NOL4: variants seen among roughly 807,000 people sequenced by gnomAD.
NOL4 encodes the protein nucleolar protein 4, also known as cancer/testis antigen 125.
NOL4 carries 17 observed loss-of-function variants against 75.9 expected under a neutral mutation model. The ratio of observed to expected loss-of-function variants is 0.22; its 90% CI spans 0.15 to 0.34. The LOEUF is 0.34. Among genes scored for constraint, NOL4 ranks in the 10% least tolerant of loss-of-function variants. The pLI, the probability that NOL4 is intolerant of heterozygous loss-of-function variation, is 1.00. For missense variants in NOL4, 614 were observed against 793.5 expected (o/e 0.77, Z 2.72); for synonymous variants, 292 against 289.9 (o/e 1.01, Z -0.07).
At chr18:33,914,311 G>C (rs1478069735) in intron 9 of NOL4, among the ~76,000 whole-genome samples, 1 of 152,072 alleles carries the variant, frequency 6.6e-6, no homozygotes, top group Non-Finnish European at 1.5e-5. Flanking sequence ...CAGGATCATA[G>C]CCACTGTGTC....
At chr18:33,892,771 C>A (rs766209606) in intron 9 of NOL4, among the ~76,000 whole-genome samples, 5 of 152,050 alleles carry the variant, frequency 3.3e-5, no homozygotes, top group Admixed American at 6.6e-5. Context: ...GATCCTCTTG[C>A]CTCAGCCTTG....
At chr18:33,891,095 A>G (rs2065066822) in intron 9 of NOL4, among the ~76,000 whole-genome samples, 1 of 151,808 alleles carries the variant, frequency 6.6e-6, no homozygotes, top group Non-Finnish European at 1.5e-5. Context: ...ATATTCTTCC[A>G]TACTATAATA....
rs765377980 is a variant in NOL4 at position 34,019,397 on chromosome 18, C to T, written c.977G>A (p.Ser326Asn). Residue 326 changes from serine (S) to asparagine (N), a missense_variant, in exon 6 of 11, where the codon AGT becomes AAT. By Grantham distance (46) the Ser-to-Asn change is conservative. Transcript: ENST00000261592. ...ATTCTTATACTTGTTTTTCCCATTA[C>T]TGTTGTGATCATCTATTCTGTATTC... is the stretch of plus-strand genomic sequence containing the variant. Reference protein sequence around the residue: ...TSEYRIDDHNSNGKNKYKNLL... With the variant: ...TSEYRIDDHNNNGKNKYKNLL... 14 of 1,613,916 alleles carry T rather than the reference C, an allele frequency of 8.7e-6. No individual in the cohort carries two copies. Among genetic ancestry groups the T allele is most frequent in the Middle Eastern group, 3.3e-4 (2 of 6,060 alleles).
At chr18:33,903,124 A>G (rs2065838399) in intron 9 of NOL4, among the ~76,000 whole-genome samples, 1 of 152,190 alleles carries the variant, frequency 6.6e-6, no homozygotes, top group East Asian at 1.9e-4. Flanking sequence ...GATAAACAAA[A>G]GAGAGTTAAT....
chr18:34,060,931 A>G (rs753903359), intron 5 of NOL4, among the ~76,000 whole-genome samples: 3 of 152,232 alleles, frequency 2.0e-5, no homozygotes, highest in African/African-American at 2.4e-5. Flanking sequence ...GTAAATGCAC[A>G]AAGACATCAT....
chr18:34,139,801 C>T (rs112681727), intron 1 of NOL4, among the ~76,000 whole-genome samples: 1 of 152,136 alleles, frequency 6.6e-6, no homozygotes, highest in Non-Finnish European at 1.5e-5. Context: ...TTCCTGCTTT[C>T]TCTTGTGGGC....
At chr18:33,969,402 T>G (rs1262336112) in intron 6 of NOL4, among the ~76,000 whole-genome samples, 1 of 152,158 alleles carries the variant, frequency 6.6e-6, no homozygotes, top group Non-Finnish European at 1.5e-5. Context: ...CTGAATGTGC[T>G]CTCAATCTTG....
chr18:34,068,449 G>T (rs898574625), intron 5 of NOL4, among the ~76,000 whole-genome samples: 1 of 151,824 alleles, frequency 6.6e-6, no homozygotes, highest in Non-Finnish European at 1.5e-5. Flanking sequence ...CGCCAGGCTG[G>T]AGTGCAGTGG....
chr18:34,163,870 A>G (rs1193791912), intron 1 of NOL4, among the ~76,000 whole-genome samples: 1 of 152,222 alleles, frequency 6.6e-6, no homozygotes, highest in Non-Finnish European at 1.5e-5. Context: ...CCCAAACAGC[A>G]TGGTACTGGT....
intron 6 of NOL4, among the ~76,000 whole-genome samples, chr18:33,999,354 T>A (rs12456331): frequency 0.21 from 32,447 of 151,812 alleles, 3,840 homozygotes; most frequent in East Asian, 0.48. Flanking sequence ...AATATCTATA[T>A]ACTCACAATA....
chr18:33,920,667 A>G (rs1286910840), intron 9 of NOL4, among the ~76,000 whole-genome samples: 3 of 152,200 alleles, frequency 2.0e-5, no homozygotes, highest in Non-Finnish European at 2.9e-5. Flanking sequence ...CCATTTTAGT[A>G]GACTCCAGGA....
At chr18:34,053,629 T>C (rs2076716290) in intron 5 of NOL4, among the ~76,000 whole-genome samples, 1 of 151,854 alleles carries the variant, frequency 6.6e-6, no homozygotes, top group Admixed American at 6.6e-5. Flanking sequence ...TCATACATAA[T>C]GTCCAGACTT....
intron 1 of NOL4, among the ~76,000 whole-genome samples, chr18:34,177,617 C>T (rs1233095301): frequency 1.3e-5 from 2 of 151,580 alleles, no homozygotes; most frequent in Non-Finnish European, 2.9e-5. Flanking sequence ...TTAGGTTTTT[C>T]GCGGGATGTT....
rs944499543 is a variant in NOL4 at position 33,899,805 on chromosome 18, T to C, written c.1543-16381A>G. ...GGGGGAATAGTGTTGGACTTGTATCTGATTTGAGAAGCAGTTCATTTGCAT... is the reference window on the plus strand; with the variant it reads ...GGGGGAATAGTGTTGGACTTGTATCCGATTTGAGAAGCAGTTCATTTGCAT... On this transcript the variant is annotated intron_variant, in intron 9 of 10. Coordinates refer to ENST00000261592, the MANE Select transcript of NOL4 (RefSeq NM_003787.5). Among the ~76,000 whole-genome samples the C allele has an allele frequency of 2.0e-5, 3 of 152,100 alleles. No homozygotes were observed. The East Asian group carries it at 5.8e-4, about 29-fold the overall frequency.
chr18:34,187,073 T>G (rs2034518027), intron 1 of NOL4, among the ~76,000 whole-genome samples: 1 of 152,190 alleles, frequency 6.6e-6, no homozygotes, highest in Non-Finnish European at 1.5e-5. Context: ...ACATTAGGGT[T>G]TACTCTTGGT....
chr18:33,899,800 G>A (rs960868608), intron 9 of NOL4, among the ~76,000 whole-genome samples: 1 of 152,080 alleles, frequency 6.6e-6, no homozygotes, highest in African/African-American at 2.4e-5. Context: ...TGTTGGACTT[G>A]TATCTGATTT....
chr18:34,118,707 T>C (rs1390373636), intron 2 of NOL4, among the ~76,000 whole-genome samples: 1 of 152,216 alleles, frequency 6.6e-6, no homozygotes, highest in Non-Finnish European at 1.5e-5. Context: ...ATAACTTACA[T>C]TAGCTATGAC....
chr18:34,222,203 C>T (rs765221348), intron 1 of NOL4: 3 of 1,445,396 alleles, frequency 2.1e-6, no homozygotes, highest in Non-Finnish European at 1.8e-6. Context: ...TGGGCTAGAG[C>T]TTTGTGGCCA....
intron 9 of NOL4, among the ~76,000 whole-genome samples, chr18:33,932,047 C>T (rs757120722): frequency 6.6e-6 from 1 of 152,050 alleles, no homozygotes; most frequent in Non-Finnish European, 1.5e-5. Context: ...TCAGAGGACA[C>T]TTTAGCTCTT....
Sources: gnomAD v4.1 joint callset for allele counts (sites outside exome capture counted in the v4.1 genomes callset) on GRCh38, gnomAD v4.1.1 for gene constraint, MANE v1.5 for transcripts, NCBI Gene and HGNC (gene_info 2026-07-23, HGNC 2026-07-21) for gene names.